NELL2: variants seen among roughly 807,000 people sequenced by gnomAD.
NELL2 encodes the protein neural EGFL like 2, also known as protein kinase C-binding protein NELL2.
NELL2 carries 41 observed loss-of-function variants against 109.6 expected under a neutral mutation model. The ratio of observed to expected loss-of-function variants is 0.37; its 90% CI spans 0.29 to 0.49. NELL2 has a LOEUF of 0.49. Among genes scored for constraint, NELL2 ranks in the 20% least tolerant of loss-of-function variants. The probability of loss-of-function intolerance (pLI) is 0.98; values close to 1 mark genes in which losing one functional copy is unlikely to be tolerated. For synonymous variants in NELL2, 355 were observed against 344.7 expected (o/e 1.03, Z -0.33); for missense variants, 900 against 1,008.3 (o/e 0.89, Z 1.45).
At chr12:44,892,313 G>A (rs1945543619) in intron 1 of NELL2, among the ~76,000 whole-genome samples, 1 of 152,084 alleles carries the variant, frequency 6.6e-6, no homozygotes, top group Admixed American at 6.6e-5. Context: ...CAACTGGGCA[G>A]GTCAAAGAAT....
At chr12:44,773,917 C>T (rs1380155029) in intron 9 of NELL2, among the ~76,000 whole-genome samples, 3 of 152,116 alleles carry the variant, frequency 2.0e-5, no homozygotes, top group East Asian at 3.9e-4. Flanking sequence ...TCCACCCCGC[C>T]GCCACTTCTC....
intron 3 of NELL2, among the ~76,000 whole-genome samples, chr12:44,796,601 A>G (rs766156730): frequency 6.6e-6 from 1 of 152,158 alleles, no homozygotes; most frequent in Non-Finnish European, 1.5e-5. Flanking sequence ...CCTCAGTAAT[A>G]AACACATTAT....
At chr12:44,885,274 G>A (rs940492495) in intron 1 of NELL2, among the ~76,000 whole-genome samples, 2 of 151,450 alleles carry the variant, frequency 1.3e-5, no homozygotes, top group Non-Finnish European at 2.9e-5. Flanking sequence ...GCAAGATTAT[G>A]TTTCAGAAAA....
intron 19 of NELL2, among the ~76,000 whole-genome samples, chr12:44,519,530 C>A (rs1941424351): frequency 6.6e-6 from 1 of 152,160 alleles, no homozygotes; most frequent in African/African-American, 2.4e-5. Flanking sequence ...TAACTGACCA[C>A]AACAAACCAA....
At chr12:44,645,157 A>G (rs994726912) in intron 13 of NELL2, among the ~76,000 whole-genome samples, 2 of 152,180 alleles carry the variant, frequency 1.3e-5, no homozygotes, top group African/African-American at 2.4e-5. Flanking sequence ...AAATATGAGA[A>G]GCAAGACATC....
intron 13 of NELL2, among the ~76,000 whole-genome samples, chr12:44,642,471 G>A (rs1353984040): frequency 3.3e-5 from 5 of 152,180 alleles, no homozygotes; most frequent in African/African-American, 1.2e-4. Context: ...AAGGGGGAAG[G>A]AGGAAATGGG....
chr12:44,690,965 A>G (rs1433418320), intron 12 of NELL2, among the ~76,000 whole-genome samples: 1 of 152,162 alleles, frequency 6.6e-6, no homozygotes, highest in Non-Finnish European at 1.5e-5. Flanking sequence ...TCTTCCCTAT[A>G]TAGCATCCAA....
intron 3 of NELL2, among the ~76,000 whole-genome samples, chr12:44,808,825 C>T (rs1262551021): frequency 6.6e-6 from 1 of 151,906 alleles, no homozygotes; most frequent in African/African-American, 2.4e-5. Flanking sequence ...TACATAAATA[C>T]ATTTTTACTC....
chr12:44,545,090 G>T (rs1032234665), intron 15 of NELL2, among the ~76,000 whole-genome samples: 2 of 151,862 alleles, frequency 1.3e-5, no homozygotes, highest in Non-Finnish European at 2.9e-5. Flanking sequence ...TATTTGCAAT[G>T]GCCTTTTGAT....
At chr12:44,779,402 A>T (rs1470910925) in intron 5 of NELL2, among the ~76,000 whole-genome samples, 1 of 152,200 alleles carries the variant, frequency 6.6e-6, no homozygotes, top group Non-Finnish European at 1.5e-5. Flanking sequence ...TGAAAGGTTA[A>T]TTCAAAGAAT....
intron 3 of NELL2, among the ~76,000 whole-genome samples, chr12:44,787,975 G>GA (rs1283800254): frequency 3.3e-5 from 5 of 152,146 alleles, no homozygotes; most frequent in Non-Finnish European, 1.5e-5. Context: ...ATCAGAAAGG[G>GA]AAACTTTTGT....
At chr12:44,818,623 T>C (rs1265581831) in intron 2 of NELL2, among the ~76,000 whole-genome samples, 1 of 152,154 alleles carries the variant, frequency 6.6e-6, no homozygotes, top group African/African-American at 2.4e-5. Context: ...TGTTTTGTTG[T>C]TTGGTATACA....
chr12:44,866,645 TGA>T (rs909384400), intron 2 of NELL2, among the ~76,000 whole-genome samples: 1 of 151,506 alleles, frequency 6.6e-6, no homozygotes, highest in African/African-American at 2.4e-5. Context: ...CAGAAATAAA[TGA>T]GAGAGACTAA....
At chr12:44,740,653 A>G (rs954722915) in intron 9 of NELL2, among the ~76,000 whole-genome samples, 1 of 151,302 alleles carries the variant, frequency 6.6e-6, no homozygotes, top group Non-Finnish European at 1.5e-5. Context: ...TTCAAGAGGG[A>G]AAAAAAAAGA....
chr12:44,613,740 T>A (rs562096831), intron 13 of NELL2, among the ~76,000 whole-genome samples: 2 of 152,052 alleles, frequency 1.3e-5, no homozygotes, highest in African/African-American at 2.4e-5. Flanking sequence ...TGATAATCCT[T>A]CACAAAAACA....
intron 11 of NELL2, among the ~76,000 whole-genome samples, chr12:44,708,557 A>C (rs1938016974): frequency 6.6e-6 from 1 of 152,248 alleles, no homozygotes; most frequent in Non-Finnish European, 1.5e-5. Flanking sequence ...GGAGTTGACT[A>C]AAAATTTAAG....
chr12:44,887,590 T>G (rs1945487927), intron 1 of NELL2, among the ~76,000 whole-genome samples: 1 of 151,900 alleles, frequency 6.6e-6, no homozygotes, highest in African/African-American at 2.4e-5. Flanking sequence ...TCTGTTCAGA[T>G]TTTTACCCAT....
chr12:44,803,941 TAA>T (rs1942917720), intron 3 of NELL2, among the ~76,000 whole-genome samples: 1 of 152,004 alleles, frequency 6.6e-6, no homozygotes, highest in South Asian at 2.1e-4. Context: ...GTGCATAGTT[TAA>T]GTGTGTAGTT....
chr12:44,668,768 G>C (rs1230796749), intron 12 of NELL2, among the ~76,000 whole-genome samples: 1 of 152,044 alleles, frequency 6.6e-6, no homozygotes, highest in African/African-American at 2.4e-5. Context: ...CCAACCCACT[G>C]CCACCACCGT....
Sources: allele counts gnomAD v4.1 joint callset (sites outside exome capture counted in the v4.1 genomes callset), GRCh38; gene constraint gnomAD v4.1.1; transcripts MANE v1.5; gene names NCBI Gene and HGNC (gene_info 2026-07-23, HGNC 2026-07-21).